TMPRSS6: variants seen among roughly 807,000 people sequenced by gnomAD.
TMPRSS6 encodes transmembrane protease serine 6.
Under a neutral mutation model 101.5 loss-of-function variants are expected in TMPRSS6, and 67 were observed. The ratio of observed to expected loss-of-function variants is 0.66; its 90% CI spans 0.54 to 0.81. The LOEUF (loss-of-function observed/expected upper bound fraction) is 0.81, where lower values mean the gene tolerates loss of function less well. Ranked by LOEUF, TMPRSS6 falls within the 30% of genes least tolerant of loss-of-function variation. TMPRSS6 has a pLI of 0.00. For missense variants in TMPRSS6, 1,034 were observed against 1,088.7 expected (o/e 0.95, Z 0.71); for synonymous variants, 453 against 464.9 (o/e 0.97, Z 0.33).
At position 37,095,970 on chromosome 22, in the gene TMPRSS6, G is replaced by A; in HGVS notation, c.525C>T (p.Asn175=). ...CCCTGTAGGGGACGGCAGCCGAGCT[G>A]TTGACTGTGGACAGCAGCTCCTCCA... ...LLVEELLSTV[N]SSAAVPYRAE... is the part of the protein sequence containing the mutation. Residue 175 remains asparagine (N), a synonymous_variant, in exon 5 of 18, where the codon AAC becomes AAT. Coordinates refer to ENST00000676104, the MANE Select transcript of TMPRSS6 (RefSeq NM_001374504.1). 6 of 1,614,218 alleles carry A rather than the reference G, an allele frequency of 3.7e-6. No individual in the cohort carries two copies. The highest frequency in any genetic ancestry group is 5.1e-6 in the Non-Finnish European group (6 of 1,180,040).
chr22:37,072,966 TG>T (rs1927249527), intron 13 of TMPRSS6, among the ~76,000 whole-genome samples: 1 of 144,738 alleles, frequency 6.9e-6, no homozygotes, highest in African/African-American at 2.6e-5. Context: ...GGATGACGGA[TG>T]GGTGGAAGGA....
chr22:37,081,691 C>T (rs1168197150), intron 10 of TMPRSS6, among the ~76,000 whole-genome samples: 2 of 152,120 alleles, frequency 1.3e-5, no homozygotes, highest in Non-Finnish European at 2.9e-5. Flanking sequence ...CAGGCCTCAT[C>T]CTCACCACCC....
chr22:37,086,716 T>G (rs1304748378), intron 7 of TMPRSS6, among the ~76,000 whole-genome samples: 1 of 151,990 alleles, frequency 6.6e-6, no homozygotes, highest in Non-Finnish European at 1.5e-5. Flanking sequence ...TCGAGTCCCA[T>G]GCTCCCTCCC....
At chr22:37,068,698 A>T (rs1440050535) in intron 16 of TMPRSS6, 1 of 779,686 alleles carries the variant, frequency 1.3e-6, no homozygotes, top group East Asian at 2.4e-5. Context: ...GGTGGATTAT[A>T]TGAAGTCAAG....
Position 37,089,766 on chromosome 22 carries a change from G to T in TMPRSS6, c.648C>A (p.Ser216Arg), listed in dbSNP as rs758253807. The T allele has an allele frequency of 8.7e-6, 14 of 1,612,220 alleles. No individual in the cohort carries two copies. The highest frequency in any genetic ancestry group is 1.2e-5 in the Non-Finnish European group (14 of 1,179,714). Residue 216 changes from serine to arginine, a missense_variant, in exon 7 of 18, where the codon AGC becomes AGA. Coordinates refer to ENST00000676104, the MANE Select transcript of TMPRSS6 (RefSeq NM_001374504.1). ...GGAGGACCTGGCCCTGGCCCACGTAGCTGTAGCGGTAACAACCTGGAGCGG... is the reference window on the plus strand; with the variant it reads ...GGAGGACCTGGCCCTGGCCCACGTATCTGTAGCGGTAACAACCTGGAGCGG... ...LNSTLGCYRYSYVGQGQVLRL... is the reference protein window; with the variant it reads ...LNSTLGCYRYRYVGQGQVLRL...
At chr22:37,084,121 C>T (rs915530530) in intron 10 of TMPRSS6, 174 bp downstream of exon 10, 20 of 654,810 alleles carry the variant, frequency 3.1e-5, no homozygotes, top group Admixed American at 4.8e-5. Context: ...GAGGCTGGGA[C>T]GAGGACAAGG....
intron 13 of TMPRSS6, among the ~76,000 whole-genome samples, chr22:37,072,559 TGATGGATG>T (rs781630045): frequency 5.0e-5 from 5 of 100,776 alleles, no homozygotes; most frequent in East Asian, 2.6e-4. Flanking sequence ...AATGGATGGA[TGATGGATG>T]GATGGATGGA....
At position 37,103,323 on chromosome 22, in the gene TMPRSS6, T is replaced by C; in HGVS notation, c.95A>G (p.Glu32Gly). ...GCCCCGGGCTTTTCTCTTGGAGTCC[T>C]CACAGGCCTTGAACATCCCCTCCGG... Reference protein sequence around the residue: ...AEPEGMFKACEDSKRKARGYL... With the variant: ...AEPEGMFKACGDSKRKARGYL... The change falls in exon 2 of 18, where the codon GAG becomes GGG. Residue 32 changes from glutamate to glycine, a missense_variant. Coordinates refer to ENST00000676104, the MANE Select transcript of TMPRSS6 (RefSeq NM_001374504.1). The surrounding 1 kb of genome is among the most constrained non-coding windows in gnomAD (Gnocchi z 4.4). The C allele has an allele frequency of 6.2e-7, 1 of 1,614,190 alleles. No individual in the cohort carries two copies. The highest frequency in any genetic ancestry group is 8.5e-7 in the Non-Finnish European group (1 of 1,180,026).
chr22:37,068,962 C>T (rs2146028652), intron 16 of TMPRSS6, 111 bp downstream of exon 16: 1 of 1,479,676 alleles, frequency 6.8e-7, no homozygotes, highest in Non-Finnish European at 8.9e-7. Flanking sequence ...ACTAGAGGGC[C>T]TATGGGGTGG....
chr22:37,067,552 G>A (rs1926422490), intron 16 of TMPRSS6, among the ~76,000 whole-genome samples: 1 of 152,016 alleles, frequency 6.6e-6, no homozygotes, highest in Non-Finnish European at 1.5e-5. Context: ...TCTGTCTGCT[G>A]AGGCACCTCT....
chr22:37,065,794 A>G lies in TMPRSS6; in HGVS notation c.*286T>C. On this transcript the variant is annotated 3_prime_UTR_variant, in exon 18 of 18. Coordinates refer to ENST00000676104, the MANE Select transcript of TMPRSS6 (RefSeq NM_001374504.1). ...TGCTGCTGAGCCACTGCCTTGCATT[A>G]GGCAGCAGTGGAGGAAGGGGACGGA... 2.0e-6 allele frequency: 1 copy of G among 500,438 alleles called. No individual in the cohort carries two copies. The highest frequency in any genetic ancestry group is 2.2e-5 in the South Asian group (1 of 46,106). The allele number at this position is 500,438 out of a possible 1,614,324, so 31.0% of individuals were successfully genotyped here.
chr22:37,091,673 C>T (rs1460244525), intron 6 of TMPRSS6, among the ~76,000 whole-genome samples: 1 of 152,216 alleles, frequency 6.6e-6, no homozygotes, highest in Non-Finnish European at 1.5e-5. Context: ...CTCTGACTTA[C>T]TATTGGTTGC....
At chr22:37,090,401 T>C (rs546133023) in intron 6 of TMPRSS6, among the ~76,000 whole-genome samples, 13 of 152,010 alleles carry the variant, frequency 8.6e-5, no homozygotes, top group Non-Finnish European at 1.9e-4. Context: ...CCACAGGCAA[T>C]GAGGAGAAGA....
At position 37,073,592 on chromosome 22, in the gene TMPRSS6, T is replaced by C. The variant is rs775305803; in HGVS notation, c.1495A>G (p.Lys499Glu). Residue 499 changes from lysine to glutamate, a missense_variant, in exon 13 of 18, where the codon AAG (lysine) becomes GAG (glutamate). Transcript: ENST00000676104. ...KEDSTCISLP[K>E]VCDGQPDCLN... The stretch of plus-strand genomic sequence containing the variant: ...CAATCAGGCTGCCCATCACAGACCT[T>C]GGGCAGTGAGATGCATGTGCTGTCC... 1.9e-6 allele frequency: 3 copies of C among 1,614,142 alleles called. No individual in the cohort carries two copies. Among genetic ancestry groups the C allele is most frequent in the South Asian group, 2.2e-5 (2 of 91,076 alleles).
chr22:37,078,559 C>A (rs1244412787), intron 10 of TMPRSS6, among the ~76,000 whole-genome samples: 1 of 152,188 alleles, frequency 6.6e-6, no homozygotes, highest in African/African-American at 2.4e-5. Context: ...CGGCTGAAAT[C>A]TAGTGGCCCA....
intron 10 of TMPRSS6, among the ~76,000 whole-genome samples, chr22:37,081,874 C>T (rs565931239): frequency 6.6e-6 from 1 of 152,370 alleles, no homozygotes; most frequent in Admixed American, 6.5e-5. Context: ...GGTGCTCAGA[C>T]TCTGGCGAGA....
At chr22:37,075,786 C>T (rs1210711643) in intron 10 of TMPRSS6, among the ~76,000 whole-genome samples, 1 of 152,156 alleles carries the variant, frequency 6.6e-6, no homozygotes, top group Non-Finnish European at 1.5e-5. Flanking sequence ...CTTGTAATCC[C>T]AGCTACTCGG....
chr22:37,097,628 A>G (rs2146162403), intron 3 of TMPRSS6, among the ~76,000 whole-genome samples: 1 of 152,136 alleles, frequency 6.6e-6, no homozygotes, highest in East Asian at 1.9e-4. Context: ...CCGTGCAGTG[A>G]GCCACCATCC....
intron 6 of TMPRSS6, among the ~76,000 whole-genome samples, chr22:37,092,502 G>C (rs1259957837): frequency 4.0e-5 from 5 of 124,930 alleles, no homozygotes; most frequent in Non-Finnish European, 6.3e-5. Context: ...ACCATGTCCA[G>C]CTAATTTTTT....
Sources: gnomAD v4.1 joint callset for allele counts (sites outside exome capture counted in the v4.1 genomes callset) on GRCh38, gnomAD v4.1.1 for gene constraint, Gnocchi (gnomAD v3.1) non-coding constraint, MANE v1.5 for transcripts, NCBI Gene and HGNC (gene_info 2026-07-23, HGNC 2026-07-21) for gene names.